CPT2: variants seen among roughly 807,000 people sequenced by gnomAD.
The protein encoded by CPT2 is carnitine palmitoyltransferase 2.
In CPT2, 37 loss-of-function variants were observed where a neutral mutation model predicts 48.6. The ratio of observed to expected loss-of-function variants is 0.76; its 90% CI spans 0.59 to 1.00. CPT2 has a LOEUF of 1.00. Among genes scored for constraint, CPT2 ranks in the 50% least tolerant of loss-of-function variants. CPT2 has a pLI of 0.00. For missense variants in CPT2, 772 were observed against 825.6 expected, an observed-to-expected ratio of 0.94 and a Z score of 0.80; for synonymous variants, 319 against 326.9, an observed-to-expected ratio of 0.98 and a Z score of 0.26.
intron 3 of CPT2, among the ~76,000 whole-genome samples, chr1:53,206,061 G>A (rs935641203): frequency 1.2e-4 from 18 of 151,988 alleles, no homozygotes; most frequent in Admixed American, 3.9e-4. Context: ...GCGTGCACCT[G>A]TGTCCCAGCT....
At chr1:53,212,905 A>G (rs1250579432) in intron 4 of CPT2, 9 of 483,708 alleles carry the variant, frequency 1.9e-5, no homozygotes, top group East Asian at 3.1e-5. Flanking sequence ...CACTTGAATC[A>G]GACTTTTAGT....
chr1:53,204,144 G>A (rs905752821), intron 3 of CPT2: 1 of 152,018 alleles, frequency 6.6e-6, no homozygotes, highest in African/African-American at 2.4e-5. Flanking sequence ...CTTCAGGTCT[G>A]GGATATTTCC....
At chr1:53,200,603 GATT>G in intron 1 of CPT2, 113 bp from the exon 2 acceptor site, 1 of 839,144 alleles carries the variant, frequency 1.2e-6, no homozygotes, top group Non-Finnish European at 2.1e-6. Flanking sequence ...AGTCGCTTCT[GATT>G]ATTGGTTTTG....
chr1:53,210,173 C>T lies in CPT2; in HGVS notation c.499C>T (p.Arg167Trp), dbSNP rs780940242. The T allele has an allele frequency of 1.4e-5, 22 of 1,614,114 alleles. No homozygotes were observed. The highest frequency in any genetic ancestry group is 1.6e-4 in the Middle Eastern group (1 of 6,062). The part of the protein sequence containing the change: ...VSAIRFLKTL[R>W]AGLLEPEVFH... ...TGCCATCCGGTTTCTGAAGACACTC[C>T]GGGCTGGCCTTCTGGAGCCAGAAGT... The change falls in exon 4 of 5, where the codon CGG becomes TGG. Residue 167 changes from arginine to tryptophan, a missense_variant. Arg to Trp is a moderately radical substitution (Grantham distance 101). Transcript: ENST00000371486.
At chr1:53,202,851 GTGCCTTTATCCATGCTGTTCCCACTA>G (rs1645362890) in intron 3 of CPT2, 1 of 220,614 alleles carries the variant, frequency 4.5e-6, no homozygotes, top group African/African-American at 2.3e-5. Flanking sequence ...TCATTCTTTT[GTGCCTTTATCCATGCTGTTCCCACTA>G]CCATTTTTTT....
chr1:53,213,147 C>A, intron 4 of CPT2, 117 bp from the exon 5 acceptor site: 5 of 942,932 alleles, frequency 5.3e-6, no homozygotes, highest in Non-Finnish European at 6.7e-6. Context: ...AGAGGTAGAG[C>A]CTTCCCCCAC....
At chr1:53,202,594 C>G (rs1161275144) in intron 3 of CPT2, 165 bp downstream of exon 3, 2 of 682,032 alleles carry the variant, frequency 2.9e-6, no homozygotes, top group Non-Finnish European at 5.4e-6. Context: ...GAGTGTGTTC[C>G]TCCTCTACTG....
chr1:53,210,629 G>T lies in CPT2; in HGVS notation c.955G>T (p.Asp319Tyr). The T allele has an allele frequency of 6.2e-7, 1 of 1,614,106 alleles. No homozygotes were observed. Among genetic ancestry groups the T allele is most frequent in the Non-Finnish European group, 8.5e-7 (1 of 1,180,030 alleles). ...SGNEESLRKV[D>Y]SAVFCLCLDD... ...CAATGAGGAGAGCCTGAGGAAAGTGGACTCGGCAGTGTTCTGTCTCTGCCT... is the reference window on the plus strand; with the variant it reads ...CAATGAGGAGAGCCTGAGGAAAGTGTACTCGGCAGTGTTCTGTCTCTGCCT... Residue 319 changes from aspartate to tyrosine, a missense_variant, in exon 4 of 5, where the codon GAC (aspartate) becomes TAC (tyrosine). Physicochemically the swap from Asp to Tyr is radical, Grantham distance 160 (BLOSUM62 -3). Transcript: ENST00000371486.
rs749833236 is a variant in CPT2, at chr1:53,210,754, C to T, written c.1080C>T (p.Ile360=). 1.2e-5 allele frequency: 20 copies of T among 1,614,048 alleles called. No individual in the cohort carries two copies. Among genetic ancestry groups the T allele is most frequent in the Middle Eastern group, 1.6e-4 (1 of 6,084 alleles). ...TTGATAAATCCTTTAACCTCATTAT[C>T]GCCAAGGATGGCTCTACTGCCGTCC... ...RWFDKSFNLI[I]AKDGSTAVHF... Residue 360 remains isoleucine (I), a synonymous_variant, in exon 4 of 5, where the codon ATC becomes ATT. Coordinates refer to ENST00000371486, the MANE Select transcript of CPT2 (RefSeq NM_000098.3).
At chr1:53,208,842 T>C (rs1334422143) in intron 3 of CPT2, 1 of 152,230 alleles carries the variant, frequency 6.6e-6, no homozygotes, top group South Asian at 2.1e-4. Flanking sequence ...AATGCTATAC[T>C]ACTTTACACC....
intron 1 of CPT2, 139 bp from the exon 2 acceptor site, chr1:53,200,579 GA>G (rs1201170111): frequency 1.3e-6 from 1 of 742,958 alleles, no homozygotes; most frequent in Non-Finnish European, 2.4e-6. Flanking sequence ...TAAACCCATT[GA>G]TTCTGATTTG....
intron 1 of CPT2, chr1:53,200,420 A>G (rs1244051722): frequency 2.9e-6 from 1 of 343,826 alleles, no homozygotes; most frequent in Non-Finnish European, 5.6e-6. Flanking sequence ...TATCATTGTG[A>G]CCAGAAAACA....
intron 3 of CPT2, among the ~76,000 whole-genome samples, chr1:53,204,729 T>C (rs1031280130): frequency 6.6e-6 from 1 of 152,188 alleles, no homozygotes; most frequent in Non-Finnish European, 1.5e-5. Flanking sequence ...GATTGGATCA[T>C]GGGGGCAGTT....
At chr1:53,203,307 C>G (rs1400861683) in intron 3 of CPT2, 2 of 152,202 alleles carry the variant, frequency 1.3e-5, no homozygotes, top group African/African-American at 4.8e-5. Context: ...TACTTCCTAT[C>G]CCCTTATTTT....
chr1:53,202,791 C>A, intron 3 of CPT2: 1 of 299,146 alleles, frequency 3.3e-6, no homozygotes, highest in Non-Finnish European at 6.5e-6. Context: ...ACCACCCACC[C>A]TGACATACTT....
In CPT2 at chr1:53,211,060, C is replaced by T. The variant is rs748976396; in HGVS notation, c.1386C>T (p.Ser462=). 5 of 1,614,220 alleles carry T rather than the reference C, an allele frequency of 3.1e-6. No homozygotes were observed. The highest frequency in any genetic ancestry group is 1.7e-5 in the Admixed American group (1 of 60,020). ...AATTCCTGAAGAAGCAAAAGCTGAG[C>T]CCTGACGCAGTTGCCCAGCTGGCAT... ...GKEFLKKQKL[S]PDAVAQLAFQ... The change falls in exon 4 of 5, where the codon AGC becomes AGT. Residue 462 remains serine (S), a synonymous_variant. Transcript: ENST00000371486.
chr1:53,213,822 G>A lies in CPT2; in HGVS notation c.*227G>A. ...CATGTGCCTATAATCCCAGCTACTT[G>A]GGAGGTTGAAGCAGAATTGCTTGAA... On this transcript the variant is annotated 3_prime_UTR_variant, in exon 5 of 5. Transcript: ENST00000371486. 2.0e-6 allele frequency: 1 copy of A among 496,536 alleles called. No individual in the cohort carries two copies. The highest frequency in any genetic ancestry group is 2.0e-5 in the South Asian group (1 of 49,706). 30.8% of individuals were successfully genotyped at this position (496,536 alleles called of 1,614,324 possible).
Position 53,211,233 on chromosome 1 carries a change from C to A in CPT2, c.1559C>A (p.Pro520His), listed in dbSNP as rs776754218. The change falls in exon 4 of 5, where the codon CCC (proline) becomes CAC (histidine). Residue 520 changes from proline (P) to histidine (H), a missense_variant. Physicochemically the swap from Pro to His is moderately conservative, Grantham distance 77. Coordinates refer to ENST00000371486, the MANE Select transcript of CPT2 (RefSeq NM_000098.3). The stretch of plus-strand genomic sequence containing the variant: ...TGCTCTGAGGCCTTTGTCAGGGAGC[C>A]CTCCAGGCACAGTGCTGGTGAGCTT... Reference protein sequence around the residue: ...KRCSEAFVREPSRHSAGELQQ... With the variant: ...KRCSEAFVREHSRHSAGELQQ... 4 of 1,610,452 alleles carry A rather than the reference C, an allele frequency of 2.5e-6. No homozygotes were observed. Among genetic ancestry groups the A allele is most frequent in the Non-Finnish European group, 3.4e-6 (4 of 1,177,754 alleles).
chr1:53,210,395 A>G lies in CPT2; in HGVS notation c.721A>G (p.Arg241Gly), dbSNP rs200252755. The G allele has an allele frequency of 8.5e-5, 137 of 1,614,042 alleles. No homozygotes were observed. Among genetic ancestry groups the G allele is most frequent in the Non-Finnish European group, 1.1e-4 (130 of 1,180,054 alleles). Residue 241 changes from arginine to glycine, a missense_variant, in exon 4 of 5, where the codon AGA becomes GGA. Arg to Gly is a moderately radical substitution (Grantham distance 125, BLOSUM62 -2). Transcript: ENST00000371486. ...TGAACTCTTCACTGATGACAAGGCC[A>G]GACACCTCCTGGTCCTAAGGAAAGG... is the stretch of plus-strand genomic sequence containing the variant. ...RDELFTDDKA[R>G]HLLVLRKGNF... is the part of the protein sequence containing the mutation.
Sources: allele counts gnomAD v4.1 joint callset (sites outside exome capture counted in the v4.1 genomes callset), GRCh38; gene constraint gnomAD v4.1.1; transcripts MANE v1.5; gene names NCBI Gene and HGNC (gene_info 2026-07-23, HGNC 2026-07-21).